The following ERGIC1 variants were observed in gnomAD, a reference collection of about 807,000 sequenced individuals.
ERGIC1 encodes endoplasmic reticulum-Golgi intermediate compartment protein 1.
Under a neutral mutation model 38.3 loss-of-function variants are expected in ERGIC1, and 19 were observed. The observed-to-expected ratio is 0.50, with a 90% CI of 0.35 to 0.73. The LOEUF (loss-of-function observed/expected upper bound fraction) is 0.73. ERGIC1 is among the 30% of genes least tolerant of loss of function. The pLI, the probability that ERGIC1 is intolerant of heterozygous loss-of-function variation, is 0.01. For missense variants in ERGIC1, 294 were observed against 389.2 expected, an observed-to-expected ratio of 0.76 and a Z score of 2.06; for synonymous variants, 124 against 157.6, an observed-to-expected ratio of 0.79 and a Z score of 1.60.
intron 1 of ERGIC1, among the ~76,000 whole-genome samples, chr5:172,870,001 A>G (rs921147289): frequency 2.4e-4 from 37 of 152,120 alleles, no homozygotes; most frequent in African/African-American, 7.7e-4. Flanking sequence ...AAACCTCTTG[A>G]CCACACAGGA....
chr5:172,836,692 G>T (rs1270307265), intron 1 of ERGIC1, among the ~76,000 whole-genome samples: 1 of 152,190 alleles, frequency 6.6e-6, no homozygotes, highest in African/African-American at 2.4e-5. Flanking sequence ...AGGCCCCACC[G>T]TGAGGAGGTG....
At chr5:172,909,127 T>C (rs3915985) in intron 3 of ERGIC1, among the ~76,000 whole-genome samples, 100,144 of 146,668 alleles carry the variant, frequency 0.68, 34,585 homozygotes, top group Non-Finnish European at 0.74. Flanking sequence ...CCGTGCTATC[T>C]GACCCCACCC....
chr5:172,838,620 T>TG (rs1355336359), intron 1 of ERGIC1, among the ~76,000 whole-genome samples: 4 of 152,100 alleles, frequency 2.6e-5, no homozygotes, highest in African/African-American at 9.7e-5. Context: ...TATATAGAGA[T>TG]GGGGTCTTGC....
chr5:172,950,345 C>T (rs1258422581), intron 9 of ERGIC1, among the ~76,000 whole-genome samples: 2 of 152,172 alleles, frequency 1.3e-5, no homozygotes, highest in African/African-American at 4.8e-5. Context: ...TTAAGACGTA[C>T]CTGTGTTCAA....
chr5:172,903,828 C>CGAACCCTGGTAGCCTAGGCTTT lies in ERGIC1; in HGVS notation c.156-5817_156-5796dup, dbSNP rs1393506919. Among the ~76,000 whole-genome samples the CGAACCCTGGTAGCCTAGGCTTT allele has an allele frequency of 2.4e-3, 362 of 151,906 alleles. 15 individuals are homozygous for CGAACCCTGGTAGCCTAGGCTTT. In the East Asian group the frequency reaches 0.055, roughly 23 times the overall value. On this transcript the variant is annotated intron_variant, in intron 3 of 9. Transcript: ENST00000393784. ...GCCAAGAGGTGGCAGAGCCAGGATT[C>CGAACCCTGGTAGCCTAGGCTTT]GAACCCTGGTAGCCTAGGCTTTGAA...
intron 5 of ERGIC1, 88 bp downstream of exon 5, chr5:172,914,926 C>G: frequency 6.3e-7 from 1 of 1,579,124 alleles, no homozygotes; most frequent in East Asian, 2.3e-5. Flanking sequence ...GAGGCACTCA[C>G]TCGACCTGAC....
At position 172,834,607 on chromosome 5, in the gene ERGIC1, G is replaced by C. The variant is rs1399777898; in HGVS notation, c.20+174G>C. On this transcript the variant is annotated intron_variant, in intron 1 of 9. Transcript: ENST00000393784. The surrounding 1 kb of genome is among the most constrained non-coding windows in gnomAD (Gnocchi z 4.1). ...CCCCCCCCTGCCGCACACGAAGCCA[G>C]CCAGAGCCGCGGAGGCCCCCTCGTG... Among the ~76,000 whole-genome samples, 1 of 111,564 alleles carries C rather than the reference G, an allele frequency of 9.0e-6. No individual in the cohort carries two copies. The highest frequency in any genetic ancestry group is 2.6e-4 in the East Asian group (1 of 3,798). 73.2% of individuals were successfully genotyped at this position (111,564 alleles called of 152,430 possible). A position where few individuals can be genotyped will look rare whatever the true frequency, so the allele number is the denominator to read the frequency against.
At chr5:172,844,048 A>G (rs193047780) in intron 1 of ERGIC1, among the ~76,000 whole-genome samples, 12 of 152,274 alleles carry the variant, frequency 7.9e-5, no homozygotes, top group Admixed American at 3.9e-4. Context: ...TGGTAGGTGG[A>G]CGTGGTAAAA....
At chr5:172,860,223 G>T (rs552351823) in intron 1 of ERGIC1, among the ~76,000 whole-genome samples, 4 of 152,240 alleles carry the variant, frequency 2.6e-5, no homozygotes, top group African/African-American at 9.6e-5. Context: ...TCAGTTCCCT[G>T]ACGGGGAACT....
At chr5:172,864,223 C>T (rs1319941796) in intron 1 of ERGIC1, among the ~76,000 whole-genome samples, 5 of 148,770 alleles carry the variant, frequency 3.4e-5, no homozygotes, top group African/African-American at 1.2e-4. Context: ...AACACCTCAA[C>T]GGTTCTTCTC....
In ERGIC1 at chr5:172,834,388, G is replaced by C; in HGVS notation, c.-26G>C. 1 of 1,314,832 alleles carries C rather than the reference G, an allele frequency of 7.6e-7. No homozygotes were observed. The highest frequency in any genetic ancestry group is 9.7e-7 in the Non-Finnish European group (1 of 1,029,640). The allele number at this position is 1,314,832 out of a possible 1,614,324, so 81.4% of individuals were successfully genotyped here. On this transcript the variant is annotated 5_prime_UTR_variant, in exon 1 of 10. Transcript: ENST00000393784. The surrounding 1 kb of genome is among the most constrained non-coding windows in gnomAD (Gnocchi z 4.1). ...GGCGCCGCGGCCCGCCTGGCCTGCAGCGCTCCCACCCCCGGCGGCGGCACG... is the reference window on the plus strand; with the variant it reads ...GGCGCCGCGGCCCGCCTGGCCTGCACCGCTCCCACCCCCGGCGGCGGCACG...
chr5:172,879,370 C>A (rs573234833), intron 1 of ERGIC1, among the ~76,000 whole-genome samples: 1 of 152,250 alleles, frequency 6.6e-6, no homozygotes, highest in South Asian at 2.1e-4. Context: ...TAAGGAAATC[C>A]TATGTTCTCA....
intron 2 of ERGIC1, among the ~76,000 whole-genome samples, chr5:172,892,062 GTTT>G (rs573472747): frequency 0.019 from 1,710 of 90,222 alleles, 14 homozygotes; most frequent in African/African-American, 0.049. Context: ...TAAAGAGTAT[GTTT>G]TTTTTTTTTT....
At chr5:172,935,408 C>G in intron 9 of ERGIC1, 98 bp downstream of exon 9, 1 of 1,543,316 alleles carries the variant, frequency 6.5e-7, no homozygotes, top group South Asian at 1.1e-5. Flanking sequence ...CTCGCTGAAA[C>G]AGGAGGCAGC....
chr5:172,893,941 A>ATATATG (rs1762648321), intron 2 of ERGIC1, among the ~76,000 whole-genome samples: 1 of 38,668 alleles, frequency 2.6e-5, no homozygotes, highest in Non-Finnish European at 6.4e-5. Context: ...GTGTGTATAT[A>ATATATG]TATATATATA....
At chr5:172,853,276 G>T (rs975529594) in intron 1 of ERGIC1, among the ~76,000 whole-genome samples, 1 of 152,184 alleles carries the variant, frequency 6.6e-6, no homozygotes, top group Non-Finnish European at 1.5e-5. Context: ...AGCCACAGGA[G>T]TCCTGGCCAC....
At chr5:172,945,728 C>T (rs1399213659) in intron 9 of ERGIC1, among the ~76,000 whole-genome samples, 1 of 152,088 alleles carries the variant, frequency 6.6e-6, no homozygotes, top group Non-Finnish European at 1.5e-5. Flanking sequence ...TCTGTGACCT[C>T]GCCTGGAGTG....
At chr5:172,940,157 T>C (rs570966711) in intron 9 of ERGIC1, among the ~76,000 whole-genome samples, 1 of 152,224 alleles carries the variant, frequency 6.6e-6, no homozygotes, top group South Asian at 2.1e-4. Context: ...GCCTCCCAGA[T>C]GCATTGCCAA....
intron 1 of ERGIC1, among the ~76,000 whole-genome samples, chr5:172,855,282 G>T (rs1222426761): frequency 6.6e-6 from 1 of 152,156 alleles, no homozygotes; most frequent in African/African-American, 2.4e-5. Context: ...ACCTGATCTG[G>T]ACCCAGCAAA....
Sources: allele counts gnomAD v4.1 joint callset (sites outside exome capture counted in the v4.1 genomes callset), GRCh38; gene constraint gnomAD v4.1.1; non-coding constraint Gnocchi (gnomAD v3.1); transcripts MANE v1.5; gene names NCBI Gene and HGNC (gene_info 2026-07-23, HGNC 2026-07-21).